Variants in SMG6 observed in about 807,000 individuals in gnomAD.
SMG6 encodes SMG6 nonsense mediated mRNA decay factor, also known as telomerase-binding protein EST1A.
A neutral mutation model predicts 142.2 loss-of-function variants in SMG6; 66 were observed. The ratio of observed to expected loss-of-function variants is 0.46; its 90% CI spans 0.38 to 0.57. SMG6 has a LOEUF of 0.57. Ranked by LOEUF, SMG6 falls within the 20% of genes least tolerant of loss-of-function variation. The pLI is 0.00. For synonymous variants in SMG6, 779 were observed against 702.4 expected (o/e 1.11, Z -1.72); for missense variants, 1,793 against 1,832.0 (o/e 0.98, Z 0.39).
intron 13 of SMG6, among the ~76,000 whole-genome samples, chr17:2,115,597 T>C (rs2069481162): frequency 6.6e-6 from 1 of 152,244 alleles, no homozygotes; most frequent in African/African-American, 2.4e-5. Context: ...TGGGGAAAAC[T>C]GATCTTTCAA....
chr17:2,097,904 G>C (rs2068899651), intron 13 of SMG6, among the ~76,000 whole-genome samples: 2 of 152,116 alleles, frequency 1.3e-5, no homozygotes, highest in Admixed American at 1.3e-4. Flanking sequence ...TTCTATCGGG[G>C]ATACTCAATT....
chr17:2,248,402 C>T (rs1180703789), intron 8 of SMG6, among the ~76,000 whole-genome samples: 2 of 152,172 alleles, frequency 1.3e-5, no homozygotes, highest in African/African-American at 2.4e-5. Context: ...GAAACTCATA[C>T]TGTTTGAACC....
chr17:2,186,256 C>CAA (rs397771010), intron 12 of SMG6, among the ~76,000 whole-genome samples: 1,647 of 111,154 alleles, frequency 0.015, 41 homozygotes, highest in African/African-American at 0.045. Flanking sequence ...TACCCTGTTT[C>CAA]AAAAAAAAAA....
intron 8 of SMG6, among the ~76,000 whole-genome samples, chr17:2,256,812 T>C (rs1050518535): frequency 6.6e-6 from 1 of 152,012 alleles, no homozygotes; most frequent in Non-Finnish European, 1.5e-5. Context: ...ACGGATTAAA[T>C]AGGTTATCCA....
In SMG6 at chr17:2,068,878, A is replaced by G. The variant is rs747130014; in HGVS notation, c.3735T>C (p.Pro1245=). The part of the protein sequence containing the change: ...QMRQMELEIR[P]LFLVPDTNGF... Reference sequence around the variant, plus strand: ...CGTTGGTGTCTGGTACGAGGAACAAAGGTCTGATTTCGAGCTCCATCTGCC... The same window carrying G: ...CGTTGGTGTCTGGTACGAGGAACAAGGGTCTGATTTCGAGCTCCATCTGCC... The change falls in exon 16 of 19, where the codon CCT becomes CCC. Residue 1245 remains proline, a synonymous_variant. Coordinates refer to ENST00000263073, the MANE Select transcript of SMG6 (RefSeq NM_017575.5). This position sits in a 1 kb window ranked among gnomAD's most constrained non-coding sequence, Gnocchi z 6.7. 1 of 1,614,204 alleles carries G rather than the reference A, an allele frequency of 6.2e-7. No homozygotes were observed. Among genetic ancestry groups the G allele is most frequent in the Admixed American group, 1.7e-5 (1 of 60,028 alleles).
chr17:2,132,922 C>T lies in SMG6; in HGVS notation c.3357+39736G>A, dbSNP rs900017577. Among the ~76,000 whole-genome samples the T allele has an allele frequency of 5.3e-4, 81 of 152,156 alleles. 1 individual carries two copies. The highest frequency in any genetic ancestry group is 1.9e-3 in the African/African-American group (80 of 41,460). On this transcript the variant is annotated intron_variant, in intron 13 of 18. Transcript: ENST00000263073. ...CTCACTCCCCAGGAAGCTGGGACTA[C>T]AGGCACGTGCTACCATGTCTGGCTA...
At chr17:2,081,506 C>T (rs1370428336) in intron 15 of SMG6, among the ~76,000 whole-genome samples, 2 of 152,150 alleles carry the variant, frequency 1.3e-5, no homozygotes, top group African/African-American at 4.8e-5. Context: ...TGAAACCCCT[C>T]ACATTGTGTG....
At chr17:2,062,340 G>GTA (rs2151378364) in intron 18 of SMG6, 1 of 152,374 alleles carries the variant, frequency 6.6e-6, no homozygotes, top group African/African-American at 2.4e-5. Context: ...GAAGACCTGT[G>GTA]TATCCTTCCA....
At position 2,236,508 on chromosome 17, in the gene SMG6, G is replaced by C. The variant is rs1284749805; in HGVS notation, c.2853C>G (p.His951Gln). 2.1e-5 allele frequency: 34 copies of C among 1,612,768 alleles called. No individual in the cohort carries two copies. The highest frequency in any genetic ancestry group is 2.8e-5 in the Non-Finnish European group (33 of 1,179,460). Residue 951 changes from histidine (H) to glutamine (Q), a missense_variant, in exon 10 of 19, where the codon CAC (histidine) becomes CAG (glutamine). This residue lies in a region of SMG6 where 1,597 missense variants were observed against 1,584.6 expected (regional missense o/e 1.01). Coordinates refer to ENST00000263073, the MANE Select transcript of SMG6 (RefSeq NM_017575.5). ...QLMTINMFAV[H>Q]NSQLKDCFSE... is the part of the protein sequence containing the mutation. ...ATGCCTTACCTTTCAGCTGGGAGTTGTGTACTGCAAACATATTGATGGTCA... is the reference window on the plus strand; with the variant it reads ...ATGCCTTACCTTTCAGCTGGGAGTTCTGTACTGCAAACATATTGATGGTCA...
chr17:2,128,374 C>T (rs141360183), intron 13 of SMG6, among the ~76,000 whole-genome samples: 68 of 152,324 alleles, frequency 4.5e-4, no homozygotes, highest in African/African-American at 1.3e-3. Context: ...CAGCTACATG[C>T]GGCCAGTAGT....
chr17:2,225,331 GAAAAAAAGAAAAAA>G (rs1267498655), intron 10 of SMG6, among the ~76,000 whole-genome samples: 6 of 137,458 alleles, frequency 4.4e-5, no homozygotes, highest in East Asian at 4.2e-4. Context: ...ACAAAAAAAA[GAAAAAAAGAAAAAA>G]AAAAAAAGAA....
intron 13 of SMG6, among the ~76,000 whole-genome samples, chr17:2,158,563 T>C (rs530221633): frequency 6.6e-6 from 1 of 152,286 alleles, no homozygotes; most frequent in East Asian, 1.9e-4. Context: ...TTGTCCTAAA[T>C]GATGGCAATT....
chr17:2,202,853 T>C (rs1228705674), intron 10 of SMG6, among the ~76,000 whole-genome samples: 1 of 152,162 alleles, frequency 6.6e-6, no homozygotes, highest in Non-Finnish European at 1.5e-5. Context: ...AGTAGAGAAT[T>C]CTCGCCCTCC....
At chr17:2,110,250 T>C (rs568850904) in intron 13 of SMG6, among the ~76,000 whole-genome samples, 61 of 152,072 alleles carry the variant, frequency 4.0e-4, no homozygotes, top group Non-Finnish European at 7.9e-4. Flanking sequence ...CAAAGCTGCT[T>C]AGTAACGTGG....
At chr17:2,168,031 C>T (rs562205501) in intron 13 of SMG6, among the ~76,000 whole-genome samples, 9 of 152,186 alleles carry the variant, frequency 5.9e-5, no homozygotes, top group African/African-American at 1.9e-4. Context: ...CCACACCTGG[C>T]TGTTTTTAAA....
chr17:2,261,858 G>T (rs1000822383), intron 8 of SMG6, among the ~76,000 whole-genome samples: 2 of 152,148 alleles, frequency 1.3e-5, no homozygotes, highest in African/African-American at 2.4e-5. Context: ...TCAACCTTTT[G>T]ACATATGTCA....
chr17:2,229,957 G>A (rs185280315), intron 10 of SMG6, among the ~76,000 whole-genome samples: 3 of 151,876 alleles, frequency 2.0e-5, no homozygotes, highest in Admixed American at 6.6e-5. Context: ...AGGCTGAGGT[G>A]GGCGGATCAC....
intron 10 of SMG6, among the ~76,000 whole-genome samples, chr17:2,216,376 T>C (rs2073020850): frequency 6.6e-6 from 1 of 152,122 alleles, no homozygotes; most frequent in South Asian, 2.1e-4. Context: ...GGGGAAAAAG[T>C]AGGCTGAAGA....
intron 8 of SMG6, among the ~76,000 whole-genome samples, chr17:2,274,624 C>T (rs2151364116): frequency 6.6e-6 from 1 of 152,246 alleles, no homozygotes; most frequent in South Asian, 2.1e-4. Context: ...GACTGAACCA[C>T]AAAACATTCA....
Sources: gnomAD v4.1 joint callset for allele counts (sites outside exome capture counted in the v4.1 genomes callset) on GRCh38, gnomAD v4.1.1 for gene constraint, gnomAD v4.1.1 regional missense constraint, Gnocchi (gnomAD v3.1) non-coding constraint, MANE v1.5 for transcripts, NCBI Gene and HGNC (gene_info 2026-07-23, HGNC 2026-07-21) for gene names.